The following CROCC variants were observed in gnomAD, a reference collection of about 807,000 sequenced individuals.
The protein encoded by CROCC is ciliary rootlet coiled-coil, rootletin.
In CROCC, 180 loss-of-function variants were observed where a neutral mutation model predicts 245.2. The ratio of observed to expected loss-of-function variants is 0.73; its 90% CI spans 0.65 to 0.83. CROCC has a LOEUF of 0.83. Ranked by LOEUF, CROCC falls within the 40% of genes least tolerant of loss-of-function variation. The pLI is 0.00. For missense variants in CROCC, 2,688 were observed against 2,779.4 expected, an observed-to-expected ratio of 0.97 and a Z score of 0.74; for synonymous variants, 1,205 against 1,241.6, an observed-to-expected ratio of 0.97 and a Z score of 0.62.
At chr1:16,914,939 G>T (rs560868771) in intron 1 of CROCC, among the ~76,000 whole-genome samples, 4 of 152,362 alleles carry the variant, frequency 2.6e-5, no homozygotes, top group East Asian at 1.9e-4. Flanking sequence ...GTTTTCTTTC[G>T]CTGGGCTCAC....
intron 8 of CROCC, among the ~76,000 whole-genome samples, chr1:16,934,108 C>T (rs1379080848): frequency 3.9e-5 from 6 of 152,220 alleles, no homozygotes; most frequent in African/African-American, 1.4e-4. Flanking sequence ...GCAGGATGCC[C>T]CTATGCCAGC....
At position 16,958,901 on chromosome 1, in the gene CROCC, A is replaced by T. The variant is rs1033584117; in HGVS notation, c.4032+151A>T. The T allele has an allele frequency of 4.2e-6, 4 of 947,686 alleles. No individual in the cohort carries two copies. In the African/African-American group the frequency reaches 6.6e-5, roughly 16 times the overall value. The allele number at this position is 947,686 out of a possible 1,614,324, so 58.7% of individuals were successfully genotyped here. On this transcript the variant is annotated intron_variant, in intron 26 of 36. Coordinates refer to ENST00000375541, the MANE Select transcript of CROCC (RefSeq NM_014675.5). ...AGACTCTTCCCCAGTTGTAGTAACA[A>T]CAACCCAAAGAACAGTGGGCCTACT...
chr1:16,930,748 A>T (rs1405980129), intron 7 of CROCC, among the ~76,000 whole-genome samples, 154 bp downstream of exon 7: 1 of 152,288 alleles, frequency 6.6e-6, no homozygotes, highest in African/African-American at 2.4e-5. Context: ...GCTGGTCTTT[A>T]TCAGTGTGTA....
At chr1:16,922,447 T>C (rs2075429291) in intron 1 of CROCC, among the ~76,000 whole-genome samples, 2 of 152,264 alleles carry the variant, frequency 1.3e-5, no homozygotes, top group Admixed American at 1.3e-4. Flanking sequence ...AGGGTTTGGT[T>C]CTCATCTCTG....
chr1:16,939,175 C>T (rs2075863213), intron 12 of CROCC, 33 bp downstream of exon 12: 1 of 1,391,482 alleles, frequency 7.2e-7, no homozygotes, highest in Non-Finnish European at 9.3e-7. Flanking sequence ...TGGGCGCAGC[C>T]AGAGGCCTGG....
chr1:16,938,868 TAA>T (rs778119326), intron 11 of CROCC, 39 bp from the exon 12 acceptor site: 1 of 1,588,676 alleles, frequency 6.3e-7, no homozygotes, highest in East Asian at 2.2e-5. Context: ...CCGCGGTTCC[TAA>T]CTCAGCAGCC....
chr1:16,948,587 G>A, intron 18 of CROCC, 63 bp downstream of exon 18: 1 of 1,474,714 alleles, frequency 6.8e-7, no homozygotes, highest in African/African-American at 1.4e-5. Context: ...ACCATGACCA[G>A]CCACACGCAG....
intron 11 of CROCC, 123 bp from the exon 12 acceptor site, chr1:16,938,786 G>A: frequency 1.0e-6 from 1 of 996,870 alleles, no homozygotes. Flanking sequence ...AATCAGGAAG[G>A]CTTCTTGTAA....
At chr1:16,938,737 T>C (rs553789475) in intron 11 of CROCC, among the ~76,000 whole-genome samples, 172 bp from the exon 12 acceptor site, 5 of 152,270 alleles carry the variant, frequency 3.3e-5, no homozygotes, top group African/African-American at 7.2e-5. Context: ...ATGGGAGGCC[T>C]CAGCGGCGAG....
upstream of CROCC, among the ~76,000 whole-genome samples, chr1:16,921,253 ACC>A (rs1331380304): frequency 3.0e-4 from 45 of 152,312 alleles, no homozygotes; most frequent in African/African-American, 1.0e-3. Context: ...TCCCTGGTGC[ACC>A]CAGCTAGTGG....
In CROCC at chr1:16,922,714, C is replaced by G. The variant is rs755008714; in HGVS notation, c.112C>G (p.Leu38Val). ...GGAGAAAGGCTTGGGCGCGCGGGACCTGGCCCAGGACGCTCAGATCACCAG... is the reference window on the plus strand; with the variant it reads ...GGAGAAAGGCTTGGGCGCGCGGGACGTGGCCCAGGACGCTCAGATCACCAG... ...CQEKGLGARDLAQDAQITSLP... is the reference protein window; with the variant it reads ...CQEKGLGARDVAQDAQITSLP... Residue 38 changes from leucine (L) to valine (V), a missense_variant, in exon 2 of 37, where the codon CTG becomes GTG. Leu to Val is a conservative substitution (Grantham distance 32, BLOSUM62 1). Coordinates refer to ENST00000375541, the MANE Select transcript of CROCC (RefSeq NM_014675.5). The G allele has an allele frequency of 1.9e-6, 3 of 1,613,848 alleles. No individual in the cohort carries two copies. The highest frequency in any genetic ancestry group is 2.5e-6 in the Non-Finnish European group (3 of 1,179,966).
chr1:16,934,850 T>TC (rs199994355), intron 8 of CROCC, among the ~76,000 whole-genome samples: 4,701 of 151,204 alleles, frequency 0.031, no homozygotes, highest in Non-Finnish European at 0.047. Context: ...TTCTTTTTTT[T>TC]TTTGGCCACC....
At chr1:16,917,319 C>G (rs199857255), upstream of CROCC, among the ~76,000 whole-genome samples, 1 of 136,634 alleles carries the variant, frequency 7.3e-6, no homozygotes, top group Non-Finnish European at 1.7e-5. Flanking sequence ...GTTTTGGGCA[C>G]AGGGCCTGGC....
intron 8 of CROCC, among the ~76,000 whole-genome samples, chr1:16,932,231 G>A (rs1340895355): frequency 1.3e-5 from 2 of 152,202 alleles, no homozygotes; most frequent in African/African-American, 4.8e-5. Context: ...ATCACCTGAG[G>A]TTAGGAGTTC....
chr1:16,969,710 G>A (rs1046396469), intron 32 of CROCC, 75 bp from the exon 33 acceptor site: 14 of 1,542,328 alleles, frequency 9.1e-6, no homozygotes, highest in African/African-American at 1.4e-5. Flanking sequence ...CTGTGGACCT[G>A]TCCAGAGGTA....
intron 3 of CROCC, 140 bp downstream of exon 3, chr1:16,924,619 C>CTCAAGGTGGCAGAG: frequency 1.7e-6 from 2 of 1,150,044 alleles, no homozygotes; most frequent in Non-Finnish European, 2.5e-6. Context: ...GGCTCTGCCA[C>CTCAAGGTGGCAGAG]CTTGAGTGGC....
chr1:16,965,601 C>T (rs1340579103), intron 27 of CROCC, 122 bp from the exon 28 acceptor site: 1 of 768,082 alleles, frequency 1.3e-6, no homozygotes, highest in Non-Finnish European at 2.2e-6. Context: ...GACCCCTAAG[C>T]TATAGCAGAG....
In CROCC at chr1:16,930,082, C is replaced by G. The variant is rs530869723; in HGVS notation, c.538-42C>G. The G allele has an allele frequency of 3.2e-6, 5 of 1,572,468 alleles. No individual in the cohort carries two copies. The South Asian group carries it at 4.7e-5, about 15-fold the overall frequency. ...GTCCTCCCACCTGTTCACTTTGCCC[C>G]GCCCCAACCCCTGGGGCTCACCATC... On this transcript the variant is annotated intron_variant, in intron 4 of 36. Transcript: ENST00000375541.
At chr1:16,924,157 C>T (rs2075475228) in intron 2 of CROCC, among the ~76,000 whole-genome samples, 168 bp from the exon 3 acceptor site, 1 of 152,274 alleles carries the variant, frequency 6.6e-6, no homozygotes, top group Non-Finnish European at 1.5e-5. Flanking sequence ...CTTTGTATCC[C>T]CTCCTTGCCT....
Sources: allele counts gnomAD v4.1 joint callset (sites outside exome capture counted in the v4.1 genomes callset), GRCh38; gene constraint gnomAD v4.1.1; transcripts MANE v1.5; gene names NCBI Gene and HGNC (gene_info 2026-07-23, HGNC 2026-07-21).